TAB2: variants seen among roughly 807,000 people sequenced by gnomAD.
TAB2 encodes the protein TGF-beta activated kinase 1 (MAP3K7) binding protein 2.
Under a neutral mutation model 65.0 loss-of-function variants are expected in TAB2, and 3 were observed. That is an observed-to-expected ratio of 0.05 (90% confidence interval 0.02 to 0.12). The LOEUF (loss-of-function observed/expected upper bound fraction) is 0.12. TAB2 is among the 10% of genes least tolerant of loss of function. The probability of loss-of-function intolerance (pLI) is 1.00; values close to 1 mark genes in which losing one functional copy is unlikely to be tolerated. For missense variants in TAB2, 623 were observed against 840.3 expected (o/e 0.74, Z 3.20); for synonymous variants, 298 against 285.1 (o/e 1.05, Z -0.46).
intron 1 of TAB2, among the ~76,000 whole-genome samples, chr6:149,322,288 A>G (rs1382344910): frequency 2.0e-5 from 3 of 152,140 alleles, no homozygotes; most frequent in African/African-American, 7.2e-5. Flanking sequence ...ATAAAACGGA[A>G]AAGGGAGTTA....
intron 1 of TAB2, among the ~76,000 whole-genome samples, chr6:149,270,111 T>C (rs542500072): frequency 1.3e-5 from 2 of 152,352 alleles, no homozygotes; most frequent in South Asian, 4.1e-4. Flanking sequence ...TTTGATAATG[T>C]TGATTTTTGT....
At chr6:149,352,067 G>A (rs976038392) in intron 1 of TAB2, among the ~76,000 whole-genome samples, 1 of 152,006 alleles carries the variant, frequency 6.6e-6, no homozygotes, top group Admixed American at 6.6e-5. Context: ...TAATAGTAAA[G>A]GCCAATACTT....
chr6:149,398,123 G>T, intron 5 of TAB2, 61 bp downstream of exon 5: 1 of 1,412,370 alleles, frequency 7.1e-7, no homozygotes, highest in Non-Finnish European at 9.9e-7. Flanking sequence ...CAGTTTTTCT[G>T]TGGCTAAAAA....
chr6:149,402,090 A>C (rs535975192), intron 6 of TAB2, among the ~76,000 whole-genome samples: 1 of 152,158 alleles, frequency 6.6e-6, no homozygotes, highest in East Asian at 1.9e-4. Flanking sequence ...GAAGAAAATA[A>C]TAAGAATTAG....
intron 1 of TAB2, among the ~76,000 whole-genome samples, chr6:149,273,061 T>C (rs1281057236): frequency 1.3e-5 from 2 of 150,324 alleles, no homozygotes; most frequent in African/African-American, 2.5e-5. Flanking sequence ...CATGGAAAAA[T>C]TGCCTTTCAT....
Position 149,327,626 on chromosome 6 carries a change from G to A in TAB2, c.-90+9611G>A, listed in dbSNP as rs531147229. ...GCTCAAGGAACCATCCAAGGGATCC[G>A]TGTCAAATAAAAGTTGCTAGAAATA... is the stretch of plus-strand genomic sequence containing the variant. On this transcript the variant is annotated intron_variant, in intron 1 of 6. Transcript: ENST00000637181. Among the ~76,000 whole-genome samples, 118 of 152,304 alleles carry A rather than the reference G, an allele frequency of 7.7e-4. 2 individuals are homozygous for A. Among genetic ancestry groups the A allele is most frequent in the Non-Finnish European group, 8.8e-5 (6 of 68,020 alleles).
intron 1 of TAB2, among the ~76,000 whole-genome samples, chr6:149,283,530 T>G (rs1203482637): frequency 1.3e-5 from 2 of 151,816 alleles, no homozygotes; most frequent in Non-Finnish European, 2.9e-5. Flanking sequence ...GCCAACATGG[T>G]GAAACCCCGT....
intron 1 of TAB2, among the ~76,000 whole-genome samples, chr6:149,248,716 T>G (rs767879334): frequency 6.6e-6 from 1 of 152,210 alleles, no homozygotes; most frequent in Admixed American, 6.5e-5. Context: ...AGGAATTTTC[T>G]GGAGGTCTGC....
chr6:149,383,753 T>C (rs1440164691), intron 3 of TAB2, among the ~76,000 whole-genome samples: 1 of 152,168 alleles, frequency 6.6e-6, no homozygotes. Context: ...CAGCTAGTTT[T>C]TGTATTTTTA....
intron 1 of TAB2, among the ~76,000 whole-genome samples, chr6:149,285,180 TA>T (rs1778654371): frequency 6.6e-6 from 1 of 152,202 alleles, no homozygotes; most frequent in African/African-American, 2.4e-5. Context: ...GTTGGAGGAT[TA>T]AATGATGTCA....
chr6:149,317,462 A>G (rs1399693485), upstream of TAB2: 2 of 170,286 alleles, frequency 1.2e-5, no homozygotes, highest in Admixed American at 6.5e-5. The surrounding 1 kb of genome is among the most constrained non-coding windows in gnomAD (Gnocchi z 4.7). Context: ...CCGTTCGGCT[A>G]GGGGAGGCCT....
At chr6:149,303,615 T>A (rs1779008447) in intron 1 of TAB2, among the ~76,000 whole-genome samples, 1 of 152,214 alleles carries the variant, frequency 6.6e-6, no homozygotes, top group Non-Finnish European at 1.5e-5. Context: ...TGCCTGTATT[T>A]TCTTAAAGTT....
chr6:149,270,209 TTA>T (rs1270396037), intron 1 of TAB2, among the ~76,000 whole-genome samples: 7 of 152,236 alleles, frequency 4.6e-5, no homozygotes, highest in African/African-American at 1.7e-4. Context: ...AAACATCTTT[TTA>T]TGTGCTTATT....
At chr6:149,385,267 T>C (rs1298695375) in intron 3 of TAB2, among the ~76,000 whole-genome samples, 5 of 152,276 alleles carry the variant, frequency 3.3e-5, no homozygotes, top group Non-Finnish European at 7.3e-5. Context: ...GGAAATATAA[T>C]TTTATTTAGT....
chr6:149,383,926 G>A lies in TAB2; in HGVS notation c.1603+4408G>A, dbSNP rs75224748. ...CTAGTGTTTCATTCACTTAATTCAA[G>A]ACAAAGGAGGCCTTTGCTGGAAAAT... On this transcript the variant is annotated intron_variant, in intron 3 of 6. Transcript: ENST00000637181. 4.0e-4 allele frequency among the ~76,000 whole-genome samples: 61 copies of A among 152,234 alleles called. No homozygotes were observed. The East Asian group carries it at 7.9e-3, about 20-fold the overall frequency.
At chr6:149,406,263 A>G (rs965018700) in intron 6 of TAB2, among the ~76,000 whole-genome samples, 5 of 152,220 alleles carry the variant, frequency 3.3e-5, no homozygotes, top group African/African-American at 1.2e-4. Flanking sequence ...TTCCTTCATA[A>G]GAAACATTAA....
chr6:149,317,687 T>TA (rs1319643890), upstream of TAB2: 1 of 158,476 alleles, frequency 6.3e-6, no homozygotes, highest in Non-Finnish European at 1.4e-5. This position sits in a 1 kb window ranked among gnomAD's most constrained non-coding sequence, Gnocchi z 4.7. Flanking sequence ...AGCTGAGGAT[T>TA]GGGGAGCGGC....
intron 1 of TAB2, among the ~76,000 whole-genome samples, chr6:149,289,398 A>G (rs1310571619): frequency 1.3e-5 from 2 of 151,708 alleles, no homozygotes; most frequent in Non-Finnish European, 2.9e-5. Context: ...TGTCTCTAAA[A>G]AAAAAAAAGG....
intron 1 of TAB2, among the ~76,000 whole-genome samples, chr6:149,356,806 A>G (rs1470791247): frequency 6.6e-6 from 1 of 152,006 alleles, no homozygotes; most frequent in East Asian, 1.9e-4. Context: ...TTGAGTATTC[A>G]CTCTTGTAGT....
Sources: gnomAD v4.1 joint callset for allele counts (sites outside exome capture counted in the v4.1 genomes callset) on GRCh38, gnomAD v4.1.1 for gene constraint, Gnocchi (gnomAD v3.1) non-coding constraint, MANE v1.5 for transcripts, NCBI Gene and HGNC (gene_info 2026-07-23, HGNC 2026-07-21) for gene names.